Variants in SMURF2 observed in about 807,000 individuals in gnomAD.
SMURF2 encodes SMAD specific E3 ubiquitin protein ligase 2.
SMURF2 carries 48 observed loss-of-function variants against 109.6 expected under a neutral mutation model. The ratio of observed to expected loss-of-function variants is 0.44; its 90% CI spans 0.35 to 0.56. The LOEUF is 0.56. Among genes scored for constraint, SMURF2 ranks in the 20% least tolerant of loss-of-function variants. The pLI is 0.01. For synonymous variants in SMURF2, 288 were observed against 317.1 expected (o/e 0.91, Z 0.97); for missense variants, 575 against 909.0 (o/e 0.63, Z 4.72).
chr17:64,603,565 A>C (rs1461581017), intron 2 of SMURF2, among the ~76,000 whole-genome samples: 5 of 149,290 alleles, frequency 3.3e-5, no homozygotes, highest in Non-Finnish European at 4.4e-5. Context: ...CGGGGGACAG[A>C]GCAAGACTCC....
intron 3 of SMURF2, among the ~76,000 whole-genome samples, chr17:64,597,515 G>A (rs1969834489): frequency 6.6e-6 from 1 of 152,170 alleles, no homozygotes; most frequent in African/African-American, 2.4e-5. Context: ...GCTCATGTCT[G>A]TAATCCCGGC....
chr17:64,601,635 T>C (rs1969897811), intron 2 of SMURF2, among the ~76,000 whole-genome samples: 2 of 152,178 alleles, frequency 1.3e-5, no homozygotes, highest in African/African-American at 2.4e-5. Context: ...CGGAAAACAG[T>C]GTGGAGATTC....
intron 7 of SMURF2, among the ~76,000 whole-genome samples, chr17:64,582,952 G>A (rs1555686708): frequency 6.6e-6 from 1 of 151,532 alleles, no homozygotes; most frequent in Non-Finnish European, 1.5e-5. Context: ...AGGTTAGAGT[G>A]CACGGGCACG....
At chr17:64,592,883 A>G (rs1208928953) in intron 4 of SMURF2, 1 of 152,220 alleles carries the variant, frequency 6.6e-6, no homozygotes, top group African/African-American at 2.4e-5. Context: ...TAAGTAGTTA[A>G]TACAGCTGTT....
At chr17:64,555,746 T>A in intron 14 of SMURF2, 74 bp downstream of exon 14, 1 of 1,021,988 alleles carries the variant, frequency 9.8e-7, no homozygotes. Flanking sequence ...TTTTTTTAAG[T>A]ACATCAGTTT....
At chr17:64,657,513 G>T (rs1970720818) in intron 1 of SMURF2, among the ~76,000 whole-genome samples, 1 of 148,896 alleles carries the variant, frequency 6.7e-6, no homozygotes, top group Non-Finnish European at 1.5e-5. Flanking sequence ...GCAACCTGGA[G>T]AAACCCCATC....
chr17:64,614,524 C>T (rs782568046), intron 1 of SMURF2, among the ~76,000 whole-genome samples: 21 of 152,316 alleles, frequency 1.4e-4, no homozygotes, highest in South Asian at 6.2e-4. Context: ...TCCTTCAAAG[C>T]ATTTCATTCT....
Position 64,581,043 on chromosome 17 carries a change from G to A in SMURF2, c.570-52C>T, listed in dbSNP as rs1555686546. ...GTTATCAATTTAGATATCAAAAGTA[G>A]AGTTCTCTAGACAATATATATATAC... On this transcript the variant is annotated intron_variant, in intron 7 of 18. Coordinates refer to ENST00000262435, the MANE Select transcript of SMURF2 (RefSeq NM_022739.4). The surrounding 1 kb of genome is among the most constrained non-coding windows in gnomAD (Gnocchi z 4.3). 3 of 1,512,202 alleles carry A rather than the reference G, an allele frequency of 2.0e-6. No homozygotes were observed. Among genetic ancestry groups the A allele is most frequent in the Non-Finnish European group, 2.8e-6 (3 of 1,090,462 alleles). The allele number at this position is 1,512,202 out of a possible 1,614,324, so 93.7% of individuals were successfully genotyped here.
At chr17:64,576,402 G>A (rs560999737) in intron 9 of SMURF2, among the ~76,000 whole-genome samples, 12 of 151,988 alleles carry the variant, frequency 7.9e-5, no homozygotes, top group African/African-American at 2.7e-4. Flanking sequence ...AGTGGCTCAC[G>A]CATGTAATCC....
chr17:64,611,690 C>T (rs1555689614), intron 1 of SMURF2, among the ~76,000 whole-genome samples: 1 of 152,204 alleles, frequency 6.6e-6, no homozygotes, highest in Non-Finnish European at 1.5e-5. Context: ...CAACATTCCC[C>T]TGCCTCAAAG....
At chr17:64,650,321 A>AC (rs1555693363) in intron 1 of SMURF2, among the ~76,000 whole-genome samples, 1 of 148,328 alleles carries the variant, frequency 6.7e-6, no homozygotes, top group East Asian at 1.9e-4. Flanking sequence ...ACAGGCACAC[A>AC]CCATCACACG....
chr17:64,640,924 AAAAAAAG>A (rs1275756237), intron 1 of SMURF2, among the ~76,000 whole-genome samples: 7 of 151,792 alleles, frequency 4.6e-5, no homozygotes, highest in East Asian at 3.9e-4. Flanking sequence ...TCTCAAAAAA[AAAAAAAG>A]AAAAAAGAAA....
chr17:64,640,169 G>A (rs979236687), intron 1 of SMURF2, among the ~76,000 whole-genome samples: 1 of 152,074 alleles, frequency 6.6e-6, no homozygotes, highest in African/African-American at 2.4e-5. Flanking sequence ...TAAAAAGACA[G>A]TAAACAGGTA....
intron 3 of SMURF2, chr17:64,594,166 A>T (rs2144657258): frequency 6.6e-6 from 1 of 152,384 alleles, no homozygotes; most frequent in South Asian, 2.1e-4. Flanking sequence ...GCCTGTAAGT[A>T]TGTAAAAGCT....
chr17:64,553,534 CAA>C (rs1161673632), intron 15 of SMURF2, among the ~76,000 whole-genome samples: 2 of 146,442 alleles, frequency 1.4e-5, no homozygotes, highest in Non-Finnish European at 3.0e-5. Context: ...AAACAAAAAA[CAA>C]AAAAAAAACC....
At chr17:64,601,787 C>A (rs1268508404) in intron 2 of SMURF2, among the ~76,000 whole-genome samples, 1 of 151,800 alleles carries the variant, frequency 6.6e-6, no homozygotes, top group Non-Finnish European at 1.5e-5. Flanking sequence ...TGCAAAAATA[C>A]TGAAGCAGCC....
intron 1 of SMURF2, among the ~76,000 whole-genome samples, chr17:64,624,523 T>G (rs1234944361): frequency 6.8e-6 from 1 of 147,134 alleles, no homozygotes; most frequent in Non-Finnish European, 1.5e-5. Context: ...AAAAAAAAAT[T>G]AAAAAAATTA....
At chr17:64,616,163 C>T (rs1005159588) in intron 1 of SMURF2, among the ~76,000 whole-genome samples, 2 of 151,996 alleles carry the variant, frequency 1.3e-5, no homozygotes, top group Non-Finnish European at 2.9e-5. Context: ...TATTAAAAGT[C>T]CTTTTACATG....
chr17:64,592,601 T>C (rs1555687780), intron 4 of SMURF2, among the ~76,000 whole-genome samples: 1 of 152,174 alleles, frequency 6.6e-6, no homozygotes, highest in African/African-American at 2.4e-5. Context: ...CTTATGTGAG[T>C]TTGTTTAGCA....
Sources: gnomAD v4.1 joint callset for allele counts (sites outside exome capture counted in the v4.1 genomes callset) on GRCh38, gnomAD v4.1.1 for gene constraint, Gnocchi (gnomAD v3.1) non-coding constraint, MANE v1.5 for transcripts, NCBI Gene and HGNC (gene_info 2026-07-23, HGNC 2026-07-21) for gene names.